CADM2: variants seen among roughly 807,000 people sequenced by gnomAD.
CADM2 encodes the protein immunoglobulin superfamily member 4D.
CADM2 carries 12 observed loss-of-function variants against 49.8 expected under a neutral mutation model. That is an observed-to-expected ratio of 0.24 (90% CI 0.15 to 0.39). The LOEUF (loss-of-function observed/expected upper bound fraction) is 0.39, where lower values mean the gene tolerates loss of function less well. Among genes scored for constraint, CADM2 ranks in the 10% least tolerant of loss-of-function variants. The probability of loss-of-function intolerance (pLI) is 1.00; values close to 1 mark genes in which losing one functional copy is unlikely to be tolerated. For missense variants in CADM2, 378 were observed against 492.3 expected (o/e 0.77, Z 2.20); for synonymous variants, 214 against 175.4 (o/e 1.22, Z -1.74).
intron 1 of CADM2, among the ~76,000 whole-genome samples, chr3:85,722,289 G>C (rs6787583): frequency 0.71 from 107,933 of 151,882 alleles, 38,610 homozygotes; most frequent in African/African-American, 0.77. Context: ...GCAGCTGTTG[G>C]AATGGCAGTG....
At chr3:86,027,654 TAA>T in intron 8 of CADM2, among the ~76,000 whole-genome samples, 1 of 152,310 alleles carries the variant, frequency 6.6e-6, no homozygotes, top group East Asian at 1.9e-4. Context: ...TACTGGAGGA[TAA>T]GAGTTATTTT....
Position 85,291,585 on chromosome 3 carries a change from A to T in CADM2, c.61+331917A>T, listed in dbSNP as rs958010830. On this transcript the variant is annotated intron_variant, in intron 1 of 9. Coordinates refer to ENST00000383699, the MANE Select transcript of CADM2 (RefSeq NM_001167675.2). ...GGGAAGCCCATCAGACTAACAGCGG[A>T]TCTCTTGGCAGAAACCCTACAAGCC... Among the ~76,000 whole-genome samples, 2 of 147,416 alleles carry T rather than the reference A, an allele frequency of 1.4e-5. 1 individual carries two copies. The highest frequency in any genetic ancestry group is 5.4e-5 in the African/African-American group (2 of 37,068).
intron 1 of CADM2, among the ~76,000 whole-genome samples, chr3:85,240,484 T>G (rs968221502): frequency 2.0e-5 from 3 of 151,508 alleles, no homozygotes; most frequent in Non-Finnish European, 4.4e-5. Context: ...TATTCAATCA[T>G]AATATATTAT....
chr3:85,464,868 T>C (rs2038415369), intron 1 of CADM2, among the ~76,000 whole-genome samples: 1 of 152,200 alleles, frequency 6.6e-6, no homozygotes, highest in Admixed American at 6.5e-5. Context: ...GACATACTTT[T>C]GGCCAAGCTC....
chr3:85,123,045 G>T (rs2038918092), intron 1 of CADM2, among the ~76,000 whole-genome samples: 1 of 152,064 alleles, frequency 6.6e-6, no homozygotes, highest in Non-Finnish European at 1.5e-5. Context: ...CCATGAAAAA[G>T]ATACATGATA....
rs869151718 is a variant in CADM2 at position 85,359,666 on chromosome 3, ATTTT to A, written c.62-366848_62-366845del. Among the ~76,000 whole-genome samples, 15 of 26,548 alleles carry A rather than the reference ATTTT, an allele frequency of 5.7e-4. 1 individual carries two copies. Among genetic ancestry groups the A allele is most frequent in the South Asian group, 1.4e-3 (1 of 704 alleles). The allele number at this position is 26,548 out of a possible 152,430, so 17.4% of individuals were successfully genotyped here. The stretch of plus-strand genomic sequence containing the variant: ...TATATATATATATATATATATATAT[ATTTT>A]TTTTTTTGGTGGAGGGGAGAAGACA... On this transcript the variant is annotated intron_variant, in intron 1 of 9. Transcript: ENST00000383699.
chr3:85,210,513 AT>A (rs1343529555), intron 1 of CADM2, among the ~76,000 whole-genome samples: 1 of 151,746 alleles, frequency 6.6e-6, no homozygotes, highest in Non-Finnish European at 1.5e-5. Flanking sequence ...ATTAGGAAGT[AT>A]TCTCTTTTCC....
intron 1 of CADM2, among the ~76,000 whole-genome samples, chr3:85,206,843 A>G (rs1421103165): frequency 6.6e-6 from 1 of 152,040 alleles, no homozygotes; most frequent in Non-Finnish European, 1.5e-5. Flanking sequence ...TTAAGTTGCT[A>G]AGAAAGATGA....
chr3:85,752,885 A>G (rs953388643), intron 2 of CADM2, among the ~76,000 whole-genome samples: 18 of 152,338 alleles, frequency 1.2e-4, no homozygotes, highest in Admixed American at 7.2e-4. Context: ...AATTAAGAAA[A>G]TAAAGGAAAA....
At chr3:85,631,939 C>T (rs2064321428) in intron 1 of CADM2, among the ~76,000 whole-genome samples, 1 of 152,136 alleles carries the variant, frequency 6.6e-6, no homozygotes, top group Admixed American at 6.6e-5. Flanking sequence ...AACAAATTTA[C>T]TGGAGCTTAG....
chr3:85,463,575 T>C (rs929387074), intron 1 of CADM2, among the ~76,000 whole-genome samples: 1 of 152,200 alleles, frequency 6.6e-6, no homozygotes, highest in Non-Finnish European at 1.5e-5. Flanking sequence ...TAACTATTTA[T>C]ATATATTCAA....
chr3:85,278,542 T>C (rs1430700312), intron 1 of CADM2, among the ~76,000 whole-genome samples: 2 of 151,518 alleles, frequency 1.3e-5, no homozygotes, highest in African/African-American at 4.8e-5. Flanking sequence ...CCAAAATATA[T>C]CATAAATGCT....
At chr3:85,804,621 G>C (rs962214464) in intron 3 of CADM2, among the ~76,000 whole-genome samples, 1 of 152,088 alleles carries the variant, frequency 6.6e-6, no homozygotes. Context: ...CAGGCACAAA[G>C]ACAAAATCTA....
At chr3:85,820,017 T>C (rs1387030034) in intron 3 of CADM2, among the ~76,000 whole-genome samples, 1 of 152,050 alleles carries the variant, frequency 6.6e-6, no homozygotes, top group East Asian at 1.9e-4. Flanking sequence ...CAGACACTCA[T>C]ATAAGGACAG....
At chr3:85,289,585 G>C (rs1247620420) in intron 1 of CADM2, among the ~76,000 whole-genome samples, 1 of 152,130 alleles carries the variant, frequency 6.6e-6, no homozygotes, top group Non-Finnish European at 1.5e-5. Flanking sequence ...AAATTGATTT[G>C]TTAATTGCTG....
chr3:85,864,379 A>G (rs977515927), intron 3 of CADM2, among the ~76,000 whole-genome samples: 8 of 152,164 alleles, frequency 5.3e-5, no homozygotes, highest in Admixed American at 2.6e-4. Context: ...CTTTGCATTT[A>G]TCTTTATGAG....
At chr3:85,654,717 C>A (rs564538506) in intron 1 of CADM2, among the ~76,000 whole-genome samples, 1 of 152,228 alleles carries the variant, frequency 6.6e-6, no homozygotes, top group South Asian at 2.1e-4. Context: ...TTTCCCCATG[C>A]ATATTTTTTG....
At chr3:85,606,338 G>A (rs1002055310) in intron 1 of CADM2, among the ~76,000 whole-genome samples, 2 of 151,992 alleles carry the variant, frequency 1.3e-5, no homozygotes, top group Admixed American at 1.3e-4. Flanking sequence ...GAATTCTCTA[G>A]TTCACACTTG....
intron 1 of CADM2, among the ~76,000 whole-genome samples, chr3:85,612,351 T>A (rs1014534874): frequency 3.3e-5 from 5 of 151,924 alleles, no homozygotes; most frequent in South Asian, 4.1e-4. Flanking sequence ...AAATGTTTCC[T>A]AAATTATAGT....
Sources: gnomAD v4.1 joint callset for allele counts (sites outside exome capture counted in the v4.1 genomes callset) on GRCh38, gnomAD v4.1.1 for gene constraint, MANE v1.5 for transcripts, NCBI Gene and HGNC (gene_info 2026-07-23, HGNC 2026-07-21) for gene names.